PPP6R2: variants seen among roughly 807,000 people sequenced by gnomAD.
The protein encoded by PPP6R2 is protein phosphatase 6 regulatory subunit 2.
PPP6R2 carries 62 observed loss-of-function variants against 100.2 expected under a neutral mutation model. That is an observed-to-expected ratio of 0.62 (90% CI 0.50 to 0.76). The LOEUF (loss-of-function observed/expected upper bound fraction) is 0.76. Ranked by LOEUF, PPP6R2 falls within the 30% of genes least tolerant of loss-of-function variation. The pLI is 0.00. For synonymous variants in PPP6R2, 525 were observed against 514.7 expected (o/e 1.02, Z -0.27); for missense variants, 1,142 against 1,276.3 (o/e 0.89, Z 1.60).
chr22:50,365,448 G>T (rs935443283), intron 1 of PPP6R2, among the ~76,000 whole-genome samples: 26 of 152,082 alleles, frequency 1.7e-4, no homozygotes, highest in Middle Eastern at 6.8e-3. Flanking sequence ...GGAGGCCGAG[G>T]TGGGTGGATC....
intron 3 of PPP6R2, among the ~76,000 whole-genome samples, chr22:50,400,957 T>G (rs973426671): frequency 7.9e-5 from 12 of 152,238 alleles, no homozygotes; most frequent in Admixed American, 7.2e-4. Context: ...GCTTTCCTTA[T>G]TTTTGCTTTT....
chr22:50,395,816 C>T (rs546339415), intron 3 of PPP6R2, among the ~76,000 whole-genome samples: 96 of 152,078 alleles, frequency 6.3e-4, no homozygotes, highest in African/African-American at 2.3e-3. Context: ...ATCCACCCAC[C>T]TCGGCCTCCC....
At chr22:50,357,824 C>T (rs1466571031) in intron 1 of PPP6R2, among the ~76,000 whole-genome samples, 1 of 152,136 alleles carries the variant, frequency 6.6e-6, no homozygotes, top group Non-Finnish European at 1.5e-5. Flanking sequence ...CAGGGTTTCA[C>T]TATGTTGGCC....
rs1468154514 is a variant in PPP6R2, at chr22:50,436,858, A to C, written c.1603-130A>C. The C allele has an allele frequency of 1.2e-5, 9 of 756,508 alleles. No individual in the cohort carries two copies. In the South Asian group the frequency reaches 1.3e-4, roughly 11 times the overall value. 46.9% of individuals were successfully genotyped at this position (756,508 alleles called of 1,614,324 possible). A position where few individuals can be genotyped will look rare whatever the true frequency, so the allele number is the denominator to read the frequency against. ...ACACAGCACGGCCTCCTGGGCCCAG[A>C]GATCTGATGAGTGATGTGCTGGGTG... On this transcript the variant is annotated intron_variant, in intron 14 of 23. Coordinates refer to ENST00000612753, the MANE Select transcript of PPP6R2 (RefSeq NM_001242898.2).
At chr22:50,368,163 A>G (rs182620451) in intron 1 of PPP6R2, among the ~76,000 whole-genome samples, 10 of 152,384 alleles carry the variant, frequency 6.6e-5, no homozygotes, top group Non-Finnish European at 1.5e-5. Context: ...AAAATGGACC[A>G]GGAGCGTGAC....
At chr22:50,349,559 C>T (rs1049000039) in intron 1 of PPP6R2, among the ~76,000 whole-genome samples, 6 of 152,008 alleles carry the variant, frequency 3.9e-5, no homozygotes, top group African/African-American at 1.5e-4. Flanking sequence ...GGCATAGTGG[C>T]TCATGCCTGT....
intron 1 of PPP6R2, among the ~76,000 whole-genome samples, chr22:50,365,069 CT>C (rs753699499): frequency 0.044 from 5,683 of 128,400 alleles, 71 homozygotes; most frequent in East Asian, 0.079. Context: ...ATATGAGATA[CT>C]TTTTTTTTTT....
At chr22:50,356,784 A>G (rs1305301093) in intron 1 of PPP6R2, among the ~76,000 whole-genome samples, 1 of 151,936 alleles carries the variant, frequency 6.6e-6, no homozygotes, top group African/African-American at 2.4e-5. Context: ...AAAATAAAAA[A>G]ATTAGCCGGC....
In PPP6R2 at chr22:50,437,841, A is replaced by T; in HGVS notation, c.1782-2A>T. On this transcript the variant is annotated splice_acceptor_variant, in intron 16 of 23. Transcript: ENST00000612753. LOFTEE classifies it high-confidence loss of function. ...CTGAAGCCATCCCCCTTGCTCTTGC[A>T]GTGCCCCGTTTGACAGGATCGCAGA... 1 of 1,552,620 alleles carries T rather than the reference A, an allele frequency of 6.4e-7. No individual in the cohort carries two copies. The highest frequency in any genetic ancestry group is 8.7e-7 in the Non-Finnish European group (1 of 1,147,602).
At chr22:50,349,699 C>T (rs1181986615) in intron 1 of PPP6R2, among the ~76,000 whole-genome samples, 5 of 148,668 alleles carry the variant, frequency 3.4e-5, no homozygotes, top group South Asian at 2.1e-4. Flanking sequence ...TGGTGGCATG[C>T]GCCTGTAATC....
intron 1 of PPP6R2, among the ~76,000 whole-genome samples, chr22:50,347,886 C>A (rs556551735): frequency 1.3e-5 from 2 of 152,236 alleles, no homozygotes; most frequent in Admixed American, 6.5e-5. Context: ...GGTTTATCTT[C>A]CCTTTGTTTT....
intron 2 of PPP6R2, among the ~76,000 whole-genome samples, chr22:50,372,967 G>A (rs144464105): frequency 6.6e-6 from 1 of 152,058 alleles, no homozygotes; most frequent in Admixed American, 6.6e-5. Flanking sequence ...GATAGCAGGC[G>A]TGAGCCACCG....
intron 1 of PPP6R2, among the ~76,000 whole-genome samples, chr22:50,351,034 T>TTG (rs2083076309): frequency 8.6e-6 from 1 of 116,270 alleles, no homozygotes; most frequent in African/African-American, 3.2e-5. Flanking sequence ...GTGTTTTTTT[T>TTG]TTTTTTTTTT....
chr22:50,394,197 G>T, intron 3 of PPP6R2, 62 bp downstream of exon 3: 3 of 1,593,200 alleles, frequency 1.9e-6, no homozygotes, highest in Non-Finnish European at 2.6e-6. Flanking sequence ...GCCGCAGGCA[G>T]TGTCTGAGGA....
Position 50,419,948 on chromosome 22 carries a change from C to T in PPP6R2, c.845+486C>T, listed in dbSNP as rs550981607. ...CGGGTCGGCACCGCCTGCTGAGCGT[C>T]GTGCTGAGCACTTTTTTCCCAGGCG... On this transcript the variant is annotated intron_variant, in intron 8 of 23. Coordinates refer to ENST00000612753, the MANE Select transcript of PPP6R2 (RefSeq NM_001242898.2). Among the ~76,000 whole-genome samples, 12 of 152,364 alleles carry T rather than the reference C, an allele frequency of 7.9e-5. No individual in the cohort carries two copies. The East Asian group carries it at 1.9e-3, about 24-fold the overall frequency.
chr22:50,442,056 G>GCTCC (rs1297637520), intron 22 of PPP6R2, among the ~76,000 whole-genome samples: 1 of 152,158 alleles, frequency 6.6e-6, no homozygotes, highest in African/African-American at 2.4e-5. Flanking sequence ...TTCACATCTG[G>GCTCC]TGGTGCATCC....
At chr22:50,398,109 G>A (rs1363033188) in intron 3 of PPP6R2, among the ~76,000 whole-genome samples, 3 of 151,900 alleles carry the variant, frequency 2.0e-5, no homozygotes, top group Non-Finnish European at 2.9e-5. Flanking sequence ...GAGGTGGGAG[G>A]ATCACTTACG....
Position 50,414,331 on chromosome 22 carries a change from G to GCCCCCCCCCCCCCCCCCCCCCCCC in PPP6R2, c.415-202_415-201insCCCCCCCCCCCCCCCCCCCCCCCC, listed in dbSNP as rs57634612. Among the ~76,000 whole-genome samples the GCCCCCCCCCCCCCCCCCCCCCCCC allele has an allele frequency of 6.7e-4, 18 of 26,800 alleles. 1 individual carries two copies. The highest frequency in any genetic ancestry group is 1.8e-3 in the Non-Finnish European group (16 of 9,026). The allele number at this position is 26,800 out of a possible 152,430, so 17.6% of individuals were successfully genotyped here. A position where few individuals can be genotyped will look rare whatever the true frequency, so the allele number is the denominator to read the frequency against. ...GAGCCACAGGGGTCCCTGTGCAGTG[G>GCCCCCCCCCCCCCCCCCCCCCCCC]CCCCCCCCCCCCCCCCCCCGCCCAG... On this transcript the variant is annotated intron_variant, in intron 4 of 23. Transcript: ENST00000612753.
chr22:50,440,179 T>C (rs2065258862), intron 21 of PPP6R2, 130 bp downstream of exon 21: 1 of 853,380 alleles, frequency 1.2e-6, no homozygotes, highest in Admixed American at 2.7e-5. Context: ...TCTGGTGACA[T>C]TGGGGTTTGA....
Sources: gnomAD v4.1 joint callset for allele counts (sites outside exome capture counted in the v4.1 genomes callset) on GRCh38, gnomAD v4.1.1 for gene constraint, MANE v1.5 for transcripts, NCBI Gene and HGNC (gene_info 2026-07-23, HGNC 2026-07-21) for gene names.